ANKRD13B: variants seen among roughly 807,000 people sequenced by gnomAD.
ANKRD13B encodes ankyrin repeat domain-containing protein 13B.
A neutral mutation model predicts 74.4 loss-of-function variants in ANKRD13B; 33 were observed. That is an observed-to-expected ratio of 0.44 (90% CI 0.34 to 0.59). ANKRD13B has a LOEUF of 0.59. ANKRD13B is among the 20% of genes least tolerant of loss of function. The probability of loss-of-function intolerance (pLI) is 0.02; values close to 1 mark genes in which losing one functional copy is unlikely to be tolerated. For synonymous variants in ANKRD13B, 341 were observed against 362.9 expected (o/e 0.94, Z 0.68); for missense variants, 676 against 877.9 (o/e 0.77, Z 2.91).
At chr17:29,601,246 G>A (rs2150881165) in intron 1 of ANKRD13B, among the ~76,000 whole-genome samples, 1 of 138,206 alleles carries the variant, frequency 7.2e-6, no homozygotes, top group South Asian at 2.3e-4. Context: ...TTTTGAGACA[G>A]AGTCTCTCTC....
chr17:29,604,268 G>T (rs1313732211), intron 1 of ANKRD13B, among the ~76,000 whole-genome samples: 12 of 151,820 alleles, frequency 7.9e-5, no homozygotes, highest in Non-Finnish European at 1.8e-4. Flanking sequence ...GAGTGCAGTG[G>T]GGCAATCTCA....
At position 29,607,052 on chromosome 17, in the gene ANKRD13B, CAAAAAAAACACA is replaced by C. The variant is rs2034415055; in HGVS notation, c.115-680_115-669del. On this transcript the variant is annotated intron_variant, in intron 1 of 14. Transcript: ENST00000394859. ...CCAACAGAGTGAGACTCCGTCCCCC[CAAAAAAAACACA>C]AAAAAAAACCCCAAAAAAAGCTTTT... Among the ~76,000 whole-genome samples, 6 of 149,990 alleles carry C rather than the reference CAAAAAAAACACA, an allele frequency of 4.0e-5. No homozygotes were observed. In the South Asian group the frequency reaches 8.5e-4, roughly 21 times the overall value.
intron 1 of ANKRD13B, 160 bp downstream of exon 1, chr17:29,593,895 A>ATGGGAGCGGGCACTGCCCGC: frequency 3.2e-6 from 1 of 315,506 alleles, no homozygotes. Context: ...GGAAAGGGTG[A>ATGGGAGCGGGCACTGCCCGC]TCCCCTCCGG....
In ANKRD13B at chr17:29,613,405, C is replaced by A; in HGVS notation, c.1704C>A (p.Pro568=). 4 of 1,505,166 alleles carry A rather than the reference C, an allele frequency of 2.7e-6. No homozygotes were observed. The South Asian group carries it at 3.7e-5, about 14-fold the overall frequency. 93.2% of individuals were successfully genotyped at this position (1,505,166 alleles called of 1,614,324 possible). A position where few individuals can be genotyped will look rare whatever the true frequency, so the allele number is the denominator to read the frequency against. The change falls in exon 15 of 15, where the codon CCC becomes CCA. Residue 568 remains proline, a synonymous_variant. Transcript: ENST00000394859. ...QRQPAPPASV[P]SPRPSSGPGS... ...AGCCTGCGCCCCCGGCGTCAGTGCC[C>A]AGCCCTCGGCCCAGCTCAGGGCCAG...
chr17:29,609,566 T>C lies in ANKRD13B; in HGVS notation c.822+145T>C, dbSNP rs1222577318. 1 of 867,144 alleles carries C rather than the reference T, an allele frequency of 1.2e-6. No homozygotes were observed. Among genetic ancestry groups the C allele is most frequent in the Non-Finnish European group, 1.8e-6 (1 of 561,778 alleles). The allele number at this position is 867,144 out of a possible 1,614,324, so 53.7% of individuals were successfully genotyped here. On this transcript the variant is annotated intron_variant, in intron 7 of 14. Coordinates refer to ENST00000394859, the MANE Select transcript of ANKRD13B (RefSeq NM_152345.5). The surrounding 1 kb of genome is among the most constrained non-coding windows in gnomAD (Gnocchi z 4.0). ...GCACTTATATTTGGGTTCAAGGCAC[T>C]TCTCTGGTGTTTTATATGGATGTAT...
intron 1 of ANKRD13B, among the ~76,000 whole-genome samples, chr17:29,603,301 G>A (rs1253733981): frequency 4.6e-5 from 7 of 152,092 alleles, no homozygotes; most frequent in Non-Finnish European, 1.0e-4. Flanking sequence ...GAGTGCAGTG[G>A]CGTGATCATA....
chr17:29,601,425 T>C (rs2034175423), intron 1 of ANKRD13B, among the ~76,000 whole-genome samples: 1 of 152,022 alleles, frequency 6.6e-6, no homozygotes, highest in South Asian at 2.1e-4. Flanking sequence ...TTTCACCATG[T>C]TGGCCAGGCT....
In ANKRD13B at chr17:29,609,321, T is replaced by C; in HGVS notation, c.756-34T>C. On this transcript the variant is annotated intron_variant, in intron 6 of 14. Coordinates refer to ENST00000394859, the MANE Select transcript of ANKRD13B (RefSeq NM_152345.5). The surrounding 1 kb of genome is among the most constrained non-coding windows in gnomAD (Gnocchi z 4.0). ...TCACCCTTGAGCCAGCCCGGTGGGG[T>C]GCCTGCCTCACCTGGACCACTCTGC... 1 of 1,613,016 alleles carries C rather than the reference T, an allele frequency of 6.2e-7. No individual in the cohort carries two copies. Among genetic ancestry groups the C allele is most frequent in the South Asian group, 1.1e-5 (1 of 90,994 alleles).
Position 29,609,218 on chromosome 17 carries a change from G to A in ANKRD13B, c.698G>A (p.Arg233Gln), listed in dbSNP as rs1567793019. The A allele has an allele frequency of 1.9e-6, 3 of 1,612,978 alleles. No individual in the cohort carries two copies. The highest frequency in any genetic ancestry group is 1.7e-6 in the Non-Finnish European group (2 of 1,179,964). Residue 233 changes from arginine (R) to glutamine (Q), a missense_variant, in exon 6 of 15, where the codon CGG (arginine) becomes CAG (glutamine). Around this residue, in one of 4 missense-constraint regions of ANKRD13B, gnomAD observed 328 missense variants for 518.4 expected, o/e 0.63. Transcript: ENST00000394859. The surrounding 1 kb of genome is among the most constrained non-coding windows in gnomAD (Gnocchi z 4.0). ...AQPTEEQVLS[R>Q]LTAPVVTTQL... Reference sequence around the variant, plus strand: ...CCCACTGAGGAACAGGTGCTGAGCCGGCTTACCGCGCCCGTCGTCACCACT... The same window carrying A: ...CCCACTGAGGAACAGGTGCTGAGCCAGCTTACCGCGCCCGTCGTCACCACT...
intron 1 of ANKRD13B, among the ~76,000 whole-genome samples, chr17:29,596,176 C>G (rs912924508): frequency 1.3e-5 from 2 of 152,266 alleles, no homozygotes; most frequent in African/African-American, 4.8e-5. Context: ...CCTCCGTGGG[C>G]AGGCTTGGCA....
intron 14 of ANKRD13B, 89 bp from the exon 15 acceptor site, chr17:29,613,265 G>A: frequency 7.2e-7 from 1 of 1,392,666 alleles, no homozygotes; most frequent in Non-Finnish European, 9.3e-7. Flanking sequence ...GGTGGCCGCG[G>A]GCCGCCCTGG....
chr17:29,597,907 G>C (rs1446369784), intron 1 of ANKRD13B, among the ~76,000 whole-genome samples: 1 of 152,166 alleles, frequency 6.6e-6, no homozygotes, highest in African/African-American at 2.4e-5. Context: ...TGAGGCACCT[G>C]ATGGGGAGGT....
chr17:29,595,769 C>A (rs1161946345), intron 1 of ANKRD13B, among the ~76,000 whole-genome samples: 6 of 152,140 alleles, frequency 3.9e-5, no homozygotes, highest in Admixed American at 3.3e-4. Context: ...TGGAGGTTAA[C>A]CCTTGTTCAA....
chr17:29,611,628 G>A lies in ANKRD13B; in HGVS notation c.954G>A (p.Gly318=). 6.2e-7 allele frequency: 1 copy of A among 1,614,208 alleles called. No individual in the cohort carries two copies. The highest frequency in any genetic ancestry group is 8.5e-7 in the Non-Finnish European group (1 of 1,180,024). Reference sequence around the variant, plus strand: ...TCCTGGGAATCGCTGAGCAGCACGGGGGCCCCCAAAATGGGGTGAGTGTGT... The same window carrying A: ...TCCTGGGAATCGCTGAGCAGCACGGAGGCCCCCAAAATGGGGTGAGTGTGT... ...QSFLGIAEQH[G]GPQNGTLITQ... is the part of the protein sequence containing the mutation. The change falls in exon 9 of 15, where the codon GGG becomes GGA. Residue 318 remains glycine, a synonymous_variant. Coordinates refer to ENST00000394859, the MANE Select transcript of ANKRD13B (RefSeq NM_152345.5). This position sits in a 1 kb window ranked among gnomAD's most constrained non-coding sequence, Gnocchi z 4.3.
rs1209123316 is a variant in ANKRD13B at position 29,605,165 on chromosome 17, C to T, written c.115-2577C>T. Among the ~76,000 whole-genome samples, 3 of 152,188 alleles carry T rather than the reference C, an allele frequency of 2.0e-5. No individual in the cohort carries two copies. In the East Asian group the frequency reaches 5.8e-4, roughly 29 times the overall value. Reference sequence around the variant, plus strand: ...TTCCAGAACTGTGCTCTGCTGCAACCTTTAATACCTTGGCTTCCCTGAATC... The same window carrying T: ...TTCCAGAACTGTGCTCTGCTGCAACTTTTAATACCTTGGCTTCCCTGAATC... On this transcript the variant is annotated intron_variant, in intron 1 of 14. Transcript: ENST00000394859.
rs766816883 is a variant in ANKRD13B, at chr17:29,593,697, C to T, written c.76C>T (p.Arg26Cys). The T allele has an allele frequency of 1.6e-4, 236 of 1,441,258 alleles. No homozygotes were observed. Among genetic ancestry groups the T allele is most frequent in the Non-Finnish European group, 2.0e-4 (216 of 1,088,208 alleles). 89.3% of individuals were successfully genotyped at this position (1,441,258 alleles called of 1,614,324 possible). ...GCTGCACTACCTCGTGTGGCACAAC[C>T]GCCACCGCGAGCTGGAGAAGGAGGT... ...YPLHYLVWHNRHRELEKEVRA... is the reference protein window; with the variant it reads ...YPLHYLVWHNCHRELEKEVRA... Residue 26 changes from arginine (R) to cysteine (C), a missense_variant, in exon 1 of 15, where the codon CGC becomes TGC. Arg to Cys is a radical substitution (Grantham distance 180). Transcript: ENST00000394859.
chr17:29,608,069 C>T lies in ANKRD13B; in HGVS notation c.334C>T (p.Arg112Trp), dbSNP rs749795431. 6.8e-6 allele frequency: 11 copies of T among 1,612,950 alleles called. No individual in the cohort carries two copies. Among genetic ancestry groups the T allele is most frequent in the African/African-American group, 2.7e-5 (2 of 74,914 alleles). The change falls in exon 3 of 15, where the codon CGG becomes TGG. Residue 112 changes from arginine to tryptophan, a missense_variant. By Grantham distance (101) the Arg-to-Trp change is moderately radical (BLOSUM62 -3). Around this residue, in one of 4 missense-constraint regions of ANKRD13B, gnomAD observed 328 missense variants for 518.4 expected, o/e 0.63. Transcript: ENST00000394859. This position sits in a 1 kb window ranked among gnomAD's most constrained non-coding sequence, Gnocchi z 6.4. ...CCGGGACTACCAGCGGGTGGTGAAG[C>T]GGCTGGCGGGCATCCCCGTGCTCCT... ...RYRDYQRVVK[R>W]LAGIPVLLEK...
rs777940371 is a variant in ANKRD13B at position 29,607,797 on chromosome 17, C to T, written c.170C>T (p.Thr57Met). ...RGRTPLHLAT[T>M]LGHLECARVL... ...CGGACTCCCCTGCACCTGGCCACCACGCTGGGGCACCTTGAGTGTGCCCGT... is the reference window on the plus strand; with the variant it reads ...CGGACTCCCCTGCACCTGGCCACCATGCTGGGGCACCTTGAGTGTGCCCGT... Residue 57 changes from threonine to methionine, a missense_variant, in exon 2 of 15, where the codon ACG (threonine) becomes ATG (methionine). Around this residue, in one of 4 missense-constraint regions of ANKRD13B, gnomAD observed 328 missense variants for 518.4 expected, o/e 0.63. Coordinates refer to ENST00000394859, the MANE Select transcript of ANKRD13B (RefSeq NM_152345.5). 9.4e-6 allele frequency: 15 copies of T among 1,603,678 alleles called. No individual in the cohort carries two copies. The highest frequency in any genetic ancestry group is 3.3e-5 in the South Asian group (3 of 91,028).
chr17:29,612,088 C>T lies in ANKRD13B; in HGVS notation c.1101-28C>T. ...GAGGCCATGGCTTCCTGCAGTGTCC[C>T]TTACCCCTTGGGATCTGGTGGGGGC... On this transcript the variant is annotated intron_variant, in intron 10 of 14. Coordinates refer to ENST00000394859, the MANE Select transcript of ANKRD13B (RefSeq NM_152345.5). This position sits in a 1 kb window ranked among gnomAD's most constrained non-coding sequence, Gnocchi z 6.1. 1 of 1,612,598 alleles carries T rather than the reference C, an allele frequency of 6.2e-7. No homozygotes were observed. The highest frequency in any genetic ancestry group is 1.1e-5 in the South Asian group (1 of 91,008).
Sources: gnomAD v4.1 joint callset for allele counts (sites outside exome capture counted in the v4.1 genomes callset) on GRCh38, gnomAD v4.1.1 for gene constraint, gnomAD v4.1.1 regional missense constraint, Gnocchi (gnomAD v3.1) non-coding constraint, MANE v1.5 for transcripts, NCBI Gene and HGNC (gene_info 2026-07-23, HGNC 2026-07-21) for gene names.